ZFHX3: variants seen among roughly 807,000 people sequenced by gnomAD.
ZFHX3 encodes the protein zinc finger homeobox protein 3.
A neutral mutation model predicts 279.1 loss-of-function variants in ZFHX3; 42 were observed. The ratio of observed to expected loss-of-function variants is 0.15; its 90% CI spans 0.12 to 0.19. ZFHX3 has a LOEUF of 0.19. Among genes scored for constraint, ZFHX3 ranks in the 10% least tolerant of loss-of-function variants. The pLI is 1.00. For missense variants in ZFHX3, 4,981 were observed against 4,754.0 expected (o/e 1.05, Z -1.40); for synonymous variants, 2,293 against 1,957.8 (o/e 1.17, Z -4.52).
At chr16:72,817,064 T>A in intron 5 of ZFHX3, among the ~76,000 whole-genome samples, 1 of 152,248 alleles carries the variant, frequency 6.6e-6, no homozygotes, top group East Asian at 1.9e-4. Flanking sequence ...TGTAAGCATA[T>A]AGAATAATGA....
chr16:73,082,565 A>G (rs1965961257), intron 8 of ZFHX3, among the ~76,000 whole-genome samples: 1 of 152,098 alleles, frequency 6.6e-6, no homozygotes, highest in African/African-American at 2.4e-5. Context: ...CACCGTGCCC[A>G]GCCAAATGAA....
At chr16:73,351,178 G>T (rs1422995069) in intron 3 of ZFHX3, among the ~76,000 whole-genome samples, 4 of 152,164 alleles carry the variant, frequency 2.6e-5, no homozygotes, top group Non-Finnish European at 5.9e-5. Context: ...AGAACAAGCA[G>T]ATCTGAGTAA....
exon 1 of ZFHX3, chr16:73,058,868 AGCGGCGGCGGCG>A: frequency 7.7e-6 from 1 of 129,062 alleles, no homozygotes; most frequent in South Asian, 2.2e-4. Context: ...ACGGAAGAGA[AGCGGCGGCGGCG>A]GCGGCAGCGG....
At chr16:73,822,376 G>T (rs926157388) in intron 1 of ZFHX3, among the ~76,000 whole-genome samples, 4 of 152,238 alleles carry the variant, frequency 2.6e-5, no homozygotes, top group Non-Finnish European at 5.9e-5. Context: ...AAAGAAAAAG[G>T]CACCATTCAT....
chr16:73,831,751 A>G (rs1396315194), intron 1 of ZFHX3, among the ~76,000 whole-genome samples: 2 of 152,160 alleles, frequency 1.3e-5, no homozygotes, highest in African/African-American at 4.8e-5. Context: ...CACAAGAAGG[A>G]ACTAAGAGGA....
intron 3 of ZFHX3, among the ~76,000 whole-genome samples, chr16:72,912,584 A>G (rs1008902208): frequency 4.6e-5 from 7 of 152,144 alleles, no homozygotes; most frequent in African/African-American, 1.4e-4. Context: ...AAAACTGTTT[A>G]CGTGCACTTA....
At chr16:72,900,136 CA>C (rs10669734) in intron 3 of ZFHX3, among the ~76,000 whole-genome samples, 103 of 63,364 alleles carry the variant, frequency 1.6e-3, no homozygotes, top group East Asian at 0.013. Flanking sequence ...ATGCCCTTGC[CA>C]AAAAAAAAAA....
At chr16:73,643,679 T>C (rs533587472) in intron 2 of ZFHX3, among the ~76,000 whole-genome samples, 15 of 152,300 alleles carry the variant, frequency 9.8e-5, no homozygotes, top group Admixed American at 6.5e-4. Context: ...TGACATCAAG[T>C]CCAGGCTAAA....
At chr16:73,286,342 C>G (rs1204341257) in intron 4 of ZFHX3, among the ~76,000 whole-genome samples, 2 of 152,242 alleles carry the variant, frequency 1.3e-5, no homozygotes, top group African/African-American at 4.8e-5. Flanking sequence ...TGAAAAGCAA[C>G]AATTCAGAAC....
chr16:73,237,230 C>T lies in ZFHX3; in HGVS notation c.-1104+19817G>A, dbSNP rs116783971. On this transcript the variant is annotated intron_variant, in intron 5 of 17. Transcript: ENST00000641206. ...TATAAAAAACATCCTCTTTAGAACC[C>T]GTGACTTAAAGGTGCCTTGATTCTT... Among the ~76,000 whole-genome samples, 951 of 152,214 alleles carry T rather than the reference C, an allele frequency of 6.2e-3. 10 individuals carry two copies. Among genetic ancestry groups the T allele is most frequent in the African/African-American group, 0.021 (870 of 41,530 alleles).
intron 3 of ZFHX3, among the ~76,000 whole-genome samples, chr16:72,892,339 A>G (rs1279231707): frequency 2.6e-5 from 4 of 152,186 alleles, no homozygotes; most frequent in Admixed American, 6.5e-5. Context: ...AAAATGGGTG[A>G]TTCACACACT....
intron 1 of ZFHX3, among the ~76,000 whole-genome samples, chr16:73,793,394 T>C (rs1308394793): frequency 1.3e-5 from 2 of 152,212 alleles, no homozygotes; most frequent in African/African-American, 4.8e-5. Context: ...CGTGAGACAA[T>C]GAAAAGGAAG....
intron 4 of ZFHX3, among the ~76,000 whole-genome samples, chr16:73,310,484 G>A (rs946369723): frequency 6.6e-6 from 1 of 152,188 alleles, no homozygotes; most frequent in African/African-American, 2.4e-5. Context: ...AAGACCAGTA[G>A]CTCTCCATGG....
intron 1 of ZFHX3, among the ~76,000 whole-genome samples, chr16:73,884,874 G>T (rs1422495934): frequency 2.6e-5 from 4 of 152,096 alleles, no homozygotes; most frequent in Non-Finnish European, 5.9e-5. Flanking sequence ...CCCAGAATTA[G>T]AACTTAATTA....
chr16:72,989,559 A>G (rs1171116885), intron 1 of ZFHX3, among the ~76,000 whole-genome samples: 2 of 152,232 alleles, frequency 1.3e-5, no homozygotes, highest in Non-Finnish European at 2.9e-5. Context: ...CATACTAGGT[A>G]AGTGGACAGT....
intron 2 of ZFHX3, among the ~76,000 whole-genome samples, chr16:73,650,352 AAC>A (rs575460466): frequency 6.0e-4 from 91 of 151,980 alleles, no homozygotes; most frequent in African/African-American, 2.2e-3. Context: ...AAAAAAAAAA[AAC>A]AAAAACAAAA....
chr16:72,820,511 G>T (rs2143663467), intron 5 of ZFHX3, among the ~76,000 whole-genome samples: 1 of 152,316 alleles, frequency 6.6e-6, no homozygotes, highest in African/African-American at 2.4e-5. Context: ...GCACTGGACT[G>T]CCACCGTGAG....
At chr16:72,916,634 T>C (rs553255731) in intron 3 of ZFHX3, among the ~76,000 whole-genome samples, 2 of 152,312 alleles carry the variant, frequency 1.3e-5, no homozygotes, top group Admixed American at 1.3e-4. Flanking sequence ...GAGACAGTTC[T>C]GTATGGCCCC....
chr16:73,589,385 A>G (rs926074724), intron 2 of ZFHX3, among the ~76,000 whole-genome samples: 5 of 147,854 alleles, frequency 3.4e-5, no homozygotes, highest in African/African-American at 7.5e-5. Context: ...GCAGTGTGCT[A>G]TGATCACACT....
Sources: allele counts gnomAD v4.1 joint callset (sites outside exome capture counted in the v4.1 genomes callset), GRCh38; gene constraint gnomAD v4.1.1; transcripts MANE v1.5; gene names NCBI Gene and HGNC (gene_info 2026-07-23, HGNC 2026-07-21).